The following MALL variants were observed in gnomAD, a reference collection of about 807,000 sequenced individuals.
The protein encoded by MALL is MAL-like protein.
MALL carries 2 observed loss-of-function variants against 10.3 expected under a neutral mutation model. The observed-to-expected ratio is 0.19, with a 90% CI of 0.08 to 0.61. The LOEUF (loss-of-function observed/expected upper bound fraction) is 0.61, where lower values mean the gene tolerates loss of function less well. Among genes scored for constraint, MALL ranks in the 20% least tolerant of loss-of-function variants. The pLI is 0.88. For missense variants in MALL, 39 were observed against 115.2 expected, an observed-to-expected ratio of 0.34 and a Z score of 3.03; for synonymous variants, 27 against 51.8, an observed-to-expected ratio of 0.52 and a Z score of 2.05.
In MALL at chr2:110,113,092, G is replaced by C. The variant is rs555713181; in HGVS notation, c.105+2596C>G. Among the ~76,000 whole-genome samples the C allele has an allele frequency of 2.0e-5, 3 of 152,022 alleles. No homozygotes were observed. The South Asian group carries it at 6.3e-4, about 32-fold the overall frequency. The stretch of plus-strand genomic sequence containing the variant: ...GACACAAAGGCATAAGAATGATACA[G>C]TGGACTTTGGGGACTTGGGGAGAAG... On this transcript the variant is annotated intron_variant, in intron 1 of 3. Coordinates refer to ENST00000272462, the MANE Select transcript of MALL (RefSeq NM_005434.5).
chr2:110,111,748 G>A (rs748720636), intron 1 of MALL, among the ~76,000 whole-genome samples: 8 of 151,924 alleles, frequency 5.3e-5, no homozygotes, highest in Non-Finnish European at 8.8e-5. Context: ...AAATTCATAT[G>A]GAACAAAAAA....
chr2:110,116,800 G>A (rs1678931173), upstream of MALL, among the ~76,000 whole-genome samples: 1 of 152,192 alleles, frequency 6.6e-6, no homozygotes, highest in Non-Finnish European at 1.5e-5. Flanking sequence ...CCCTGAAACA[G>A]TCTGCTCAGG....
At chr2:110,112,536 C>T (rs751667194) in intron 1 of MALL, among the ~76,000 whole-genome samples, 2 of 151,896 alleles carry the variant, frequency 1.3e-5, no homozygotes, top group Admixed American at 6.6e-5. Context: ...ATTGTGAAAC[C>T]ACCTTACTCC....
At chr2:110,113,435 CAAAAAAAAAAAAAA>C (rs58360665) in intron 1 of MALL, among the ~76,000 whole-genome samples, 1 of 31,812 alleles carries the variant, frequency 3.1e-5, no homozygotes, top group South Asian at 1.6e-3. Flanking sequence ...GACTCTGTCT[CAAAAAAAAAAAAAA>C]AAAAAAAAAA....
At chr2:110,115,540 C>T (rs1007247632) in intron 1 of MALL, 148 bp downstream of exon 1, 30 of 433,564 alleles carry the variant, frequency 6.9e-5, no homozygotes, top group East Asian at 6.8e-4. Context: ...CGGTCTCCCC[C>T]CCCCTCTCTG....
intron 1 of MALL, among the ~76,000 whole-genome samples, chr2:110,107,079 C>A (rs923423065): frequency 7.4e-5 from 1 of 13,540 alleles, no homozygotes; most frequent in Admixed American, 1.0e-3. Flanking sequence ...TGAGGGAGGG[C>A]AGGGTAGGGG....
intron 1 of MALL, chr2:110,097,425 A>G (rs985683477): frequency 1.1e-4 from 48 of 454,978 alleles, no homozygotes; most frequent in African/African-American, 8.2e-4. Flanking sequence ...TCGCGTGGGC[A>G]CTGGAGTCTC....
At chr2:110,106,753 G>A (rs1678705305) in intron 1 of MALL, among the ~76,000 whole-genome samples, 1 of 152,114 alleles carries the variant, frequency 6.6e-6, no homozygotes, top group South Asian at 2.1e-4. Context: ...CCACACAAAA[G>A]CCTGCACACA....
chr2:110,107,347 G>A (rs942270114), intron 1 of MALL, among the ~76,000 whole-genome samples: 7 of 139,974 alleles, frequency 5.0e-5, no homozygotes, highest in African/African-American at 2.3e-4. Flanking sequence ...GGGGCTGCTG[G>A]GGGGTACACA....
At chr2:110,102,972 T>A (rs56357128) in intron 1 of MALL, among the ~76,000 whole-genome samples, 18,906 of 152,130 alleles carry the variant, frequency 0.12, 2,412 homozygotes, top group African/African-American at 0.33. Flanking sequence ...AGAGTCCAGA[T>A]GGGCAGTGTT....
At chr2:110,114,990 C>G (rs973931565) in intron 1 of MALL, among the ~76,000 whole-genome samples, 1 of 152,042 alleles carries the variant, frequency 6.6e-6, no homozygotes, top group Non-Finnish European at 1.5e-5. Context: ...AGGCAGGATC[C>G]CCAGGGATCA....
intron 1 of MALL, among the ~76,000 whole-genome samples, chr2:110,114,018 C>T (rs1160315560): frequency 2.6e-5 from 4 of 152,096 alleles, no homozygotes; most frequent in African/African-American, 7.2e-5. Flanking sequence ...CCAACACCAG[C>T]GTGCACTTTG....
chr2:110,113,189 G>T (rs1382544236), intron 1 of MALL, among the ~76,000 whole-genome samples: 1 of 151,520 alleles, frequency 6.6e-6, no homozygotes, highest in African/African-American at 2.4e-5. Flanking sequence ...TGTAATCTCA[G>T]CACTTTGGGA....
chr2:110,101,789 C>T (rs1218682168), intron 1 of MALL, among the ~76,000 whole-genome samples: 3 of 152,262 alleles, frequency 2.0e-5, no homozygotes. Context: ...CTAATGAGAA[C>T]ATTCTTTTCC....
At chr2:110,109,409 A>G (rs1678756007) in intron 1 of MALL, among the ~76,000 whole-genome samples, 1 of 152,180 alleles carries the variant, frequency 6.6e-6, no homozygotes, top group African/African-American at 2.4e-5. Context: ...CTATTCTTAT[A>G]TCAGATAAAA....
At chr2:110,097,937 AGAC>A (rs1195006358) in intron 1 of MALL, among the ~76,000 whole-genome samples, 7 of 152,158 alleles carry the variant, frequency 4.6e-5, no homozygotes, top group Middle Eastern at 3.4e-3. Flanking sequence ...TGAGAGAAAA[AGAC>A]CCCAGTCAAG....
At chr2:110,101,775 T>C (rs1678568862) in intron 1 of MALL, among the ~76,000 whole-genome samples, 1 of 152,158 alleles carries the variant, frequency 6.6e-6, no homozygotes, top group Non-Finnish European at 1.5e-5. Context: ...TCACATAAAA[T>C]TGACTAATGA....
At chr2:110,104,762 G>T (rs1008022271) in intron 1 of MALL, among the ~76,000 whole-genome samples, 1 of 152,116 alleles carries the variant, frequency 6.6e-6, no homozygotes, top group South Asian at 2.1e-4. Flanking sequence ...TGGAGTGCTC[G>T]TTGCATCTTC....
chr2:110,113,599 C>CA (rs909732777), intron 1 of MALL, among the ~76,000 whole-genome samples: 12 of 151,442 alleles, frequency 7.9e-5, no homozygotes, highest in African/African-American at 2.7e-4. Context: ...TTCAAAAGCA[C>CA]AAAAAAAGAA....
Sources: gnomAD v4.1 joint callset for allele counts (sites outside exome capture counted in the v4.1 genomes callset) on GRCh38, gnomAD v4.1.1 for gene constraint, MANE v1.5 for transcripts, NCBI Gene and HGNC (gene_info 2026-07-23, HGNC 2026-07-21) for gene names.